CCSER1: variants seen among roughly 807,000 people sequenced by gnomAD.
CCSER1 encodes the protein serine-rich coiled-coil domain-containing protein 1.
In CCSER1, 41 loss-of-function variants were observed where a neutral mutation model predicts 82.0. That is an observed-to-expected ratio of 0.50 (90% CI 0.39 to 0.65). The LOEUF (loss-of-function observed/expected upper bound fraction) is 0.65. Among genes scored for constraint, CCSER1 ranks in the 30% least tolerant of loss-of-function variants. The pLI is 0.00. For synonymous variants in CCSER1, 414 were observed against 383.9 expected (o/e 1.08, Z -0.92); for missense variants, 1,119 against 1,064.2 (o/e 1.05, Z -0.72).
At chr4:91,163,400 A>G (rs1731657167) in intron 10 of CCSER1, among the ~76,000 whole-genome samples, 1 of 151,938 alleles carries the variant, frequency 6.6e-6, no homozygotes, top group Non-Finnish European at 1.5e-5. Flanking sequence ...ACAAGAATGT[A>G]TATTCTGTTG....
chr4:91,355,900 A>T (rs1279738182), intron 10 of CCSER1, among the ~76,000 whole-genome samples: 2 of 152,208 alleles, frequency 1.3e-5, no homozygotes, highest in Non-Finnish European at 2.9e-5. Context: ...TGATACCAGG[A>T]GTAAGGTGGT....
intron 9 of CCSER1, among the ~76,000 whole-genome samples, chr4:91,081,176 C>G (rs538719699): frequency 6.6e-6 from 1 of 152,060 alleles, no homozygotes; most frequent in African/African-American, 2.4e-5. Flanking sequence ...ACTGGAAAAC[C>G]GAATTAGGCA....
At chr4:90,590,945 C>T (rs1399173219) in intron 5 of CCSER1, among the ~76,000 whole-genome samples, 5 of 152,126 alleles carry the variant, frequency 3.3e-5, no homozygotes, top group Non-Finnish European at 2.9e-5. Flanking sequence ...GAACTATTTT[C>T]CATTTGTTTG....
At chr4:90,487,942 A>G (rs2033072275) in intron 5 of CCSER1, among the ~76,000 whole-genome samples, 1 of 152,100 alleles carries the variant, frequency 6.6e-6, no homozygotes, top group South Asian at 2.1e-4. Context: ...ACCTGGCTTA[A>G]TCTAGTGTTT....
rs373721012 is a variant in CCSER1, at chr4:90,512,062, G to A, written c.1724+43708G>A. The stretch of plus-strand genomic sequence containing the variant: ...ATACCCAGTGGTCCAGGACAAGGTC[G>A]GCAAACTGGGCAACATACATATTTT... On this transcript the variant is annotated intron_variant, in intron 5 of 10. Coordinates refer to ENST00000509176, the MANE Select transcript of CCSER1 (RefSeq NM_001145065.2). 2.6e-5 allele frequency among the ~76,000 whole-genome samples: 4 copies of A among 152,136 alleles called. No individual in the cohort carries two copies. In the South Asian group the frequency reaches 8.3e-4, roughly 32 times the overall value.
intron 5 of CCSER1, among the ~76,000 whole-genome samples, chr4:90,566,999 T>C (rs886836879): frequency 2.0e-5 from 3 of 146,342 alleles, no homozygotes; most frequent in African/African-American, 8.0e-5. Flanking sequence ...AAAGGTTTAT[T>C]GGTTTTGCTT....
At chr4:90,661,962 G>C (rs1730875605) in intron 6 of CCSER1, among the ~76,000 whole-genome samples, 1 of 151,084 alleles carries the variant, frequency 6.6e-6, no homozygotes, top group African/African-American at 2.4e-5. Flanking sequence ...AGTAAGGACT[G>C]GCTTGTTTGT....
chr4:90,771,644 T>C (rs1433199205), intron 7 of CCSER1, among the ~76,000 whole-genome samples: 2 of 151,866 alleles, frequency 1.3e-5, no homozygotes, highest in African/African-American at 4.8e-5. Flanking sequence ...CAAACAACTT[T>C]AAAATATTTT....
intron 3 of CCSER1, among the ~76,000 whole-genome samples, chr4:90,361,828 T>C (rs149237361): frequency 2.6e-5 from 4 of 152,336 alleles, no homozygotes; most frequent in African/African-American, 9.6e-5. Flanking sequence ...TGTGAGTCTC[T>C]TGTGTTTCTG....
intron 10 of CCSER1, among the ~76,000 whole-genome samples, chr4:91,182,200 A>C (rs759403413): frequency 6.6e-6 from 1 of 152,152 alleles, no homozygotes; most frequent in Non-Finnish European, 1.5e-5. Context: ...TCCTTCTGGA[A>C]TCTCTTCCTC....
intron 10 of CCSER1, among the ~76,000 whole-genome samples, chr4:91,556,361 A>C (rs1762403834): frequency 6.6e-6 from 1 of 150,962 alleles, no homozygotes; most frequent in Admixed American, 6.6e-5. Context: ...GTGGATTATT[A>C]ATAAACTTAA....
intron 10 of CCSER1, among the ~76,000 whole-genome samples, chr4:91,244,202 G>C (rs1195639736): frequency 1.3e-5 from 2 of 152,202 alleles, no homozygotes; most frequent in Non-Finnish European, 2.9e-5. Context: ...AAGGAAAAGT[G>C]GGAAGGACTT....
intron 8 of CCSER1, chr4:90,911,458 G>C (rs6855137): frequency 0.48 from 161,121 of 335,426 alleles, 42,051 homozygotes; most frequent in African/African-American, 0.76. Context: ...GATTCTCTCT[G>C]TGTCTCTCTT....
At chr4:91,219,436 T>C (rs62311960) in intron 10 of CCSER1, among the ~76,000 whole-genome samples, 8,778 of 149,274 alleles carry the variant, frequency 0.059, 497 homozygotes, top group African/African-American at 0.15. Context: ...CCTCAGCCTC[T>C]CAAATAGCTG....
intron 8 of CCSER1, among the ~76,000 whole-genome samples, chr4:90,879,274 C>T (rs1720836861): frequency 6.6e-6 from 1 of 152,054 alleles, no homozygotes; most frequent in South Asian, 2.1e-4. Flanking sequence ...CTATTAGGTT[C>T]CTTTTTATAC....
chr4:90,781,144 T>C (rs6532243), intron 7 of CCSER1: 207,562 of 357,780 alleles, frequency 0.58, 61,086 homozygotes, highest in African/African-American at 0.67. Context: ...CCCTCATGAT[T>C]CAAACACCTC....
intron 10 of CCSER1, among the ~76,000 whole-genome samples, chr4:91,360,567 A>G (rs116208549): frequency 0.011 from 1,596 of 151,842 alleles, 36 homozygotes; most frequent in African/African-American, 0.033. Context: ...CTCTTCCCCA[A>G]TCCCAGATCC....
At chr4:91,060,380 ATATTC>A (rs1743857043) in intron 9 of CCSER1, among the ~76,000 whole-genome samples, 1 of 152,032 alleles carries the variant, frequency 6.6e-6, no homozygotes, top group Non-Finnish European at 1.5e-5. Context: ...AAACATAATT[ATATTC>A]TTTACCCAGA....
At chr4:91,323,086 G>T (rs1306891421) in intron 10 of CCSER1, among the ~76,000 whole-genome samples, 1 of 152,132 alleles carries the variant, frequency 6.6e-6, no homozygotes, top group Non-Finnish European at 1.5e-5. Flanking sequence ...AGTAAAAGAG[G>T]AATATCCATT....
Sources: allele counts gnomAD v4.1 joint callset (sites outside exome capture counted in the v4.1 genomes callset), GRCh38; gene constraint gnomAD v4.1.1; transcripts MANE v1.5; gene names NCBI Gene and HGNC (gene_info 2026-07-23, HGNC 2026-07-21).